PROKR2: variants seen among roughly 807,000 people sequenced by gnomAD.
PROKR2 encodes prokineticin receptor 2, also known as G protein-coupled receptor 73-like 1.
Under a neutral mutation model 23.4 loss-of-function variants are expected in PROKR2, and 26 were observed. The observed-to-expected ratio is 1.11, with a 90% confidence interval of 0.81 to 1.54. The LOEUF is 1.54. Among genes scored for constraint, PROKR2 ranks in the 40% most tolerant of loss-of-function variants. PROKR2 has a pLI of 0.00. For missense variants in PROKR2, 453 were observed against 511.5 expected (o/e 0.89, Z 1.10); for synonymous variants, 212 against 201.2 (o/e 1.05, Z -0.45).
At position 5,314,376 on chromosome 20, in the gene PROKR2, G is replaced by A; in HGVS notation, c.-7C>T. 2.5e-6 allele frequency: 4 copies of A among 1,613,410 alleles called. No individual in the cohort carries two copies. The highest frequency in any genetic ancestry group is 1.3e-5 in the African/African-American group (1 of 75,016). On this transcript the variant is annotated splice_region_variant and 5_prime_UTR_variant, in exon 2 of 3. Transcript: ENST00000678254. ...TTCCATTCTGGGCTGCCATGGTGAT[G>A]TCTGCAAGAAAAGTGGTGTGAGGGA...
intron 2 of PROKR2, among the ~76,000 whole-genome samples, chr20:5,308,601 A>G (rs1651796945): frequency 6.6e-6 from 1 of 152,206 alleles, no homozygotes; most frequent in Non-Finnish European, 1.5e-5. Context: ...TCAGCTCTGA[A>G]GGCTGTGAAA....
rs1978953602 is a variant in PROKR2 at position 5,300,720 on chromosome 20, C to T, written c.*1320G>A. Among the ~76,000 whole-genome samples the T allele has an allele frequency of 6.6e-6, 1 of 152,184 alleles. No homozygotes were observed. The highest frequency in any genetic ancestry group is 6.5e-5 in the Admixed American group (1 of 15,274). ...GGACCTGAACCCAGGTCTTTGGATTCTAGGTAGAGTTCCTTTTGTAAAAGA... is the reference window on the plus strand; with the variant it reads ...GGACCTGAACCCAGGTCTTTGGATTTTAGGTAGAGTTCCTTTTGTAAAAGA... On this transcript the variant is annotated 3_prime_UTR_variant, in exon 3 of 3. Transcript: ENST00000678254.
At chr20:5,308,612 C>A (rs1979319019) in intron 2 of PROKR2, among the ~76,000 whole-genome samples, 1 of 152,136 alleles carries the variant, frequency 6.6e-6, no homozygotes, top group South Asian at 2.1e-4. Flanking sequence ...GGCTGTGAAA[C>A]CCCTGATTTC....
At position 5,302,269 on chromosome 20, in the gene PROKR2, T is replaced by G. The variant is rs1240563443; in HGVS notation, c.926A>C (p.Lys309Thr). The G allele has an allele frequency of 6.2e-7, 1 of 1,614,210 alleles. No homozygotes were observed. The highest frequency in any genetic ancestry group is 2.2e-5 in the East Asian group (1 of 44,884). The part of the protein sequence containing the change: ...DFFPTVFVKE[K>T]HYLTAFYVVE... ...CACGTAGAAGGCAGTGAGGTAGTGC[T>G]TTTCCTTCACGAACACAGTGGGGAA... Residue 309 changes from lysine to threonine, a missense_variant, in exon 3 of 3, where the codon AAG (lysine) becomes ACG (threonine). Transcript: ENST00000678254.
In PROKR2 at chr20:5,302,656, A is replaced by T; in HGVS notation, c.539T>A (p.Val180Glu). The T allele has an allele frequency of 6.2e-7, 1 of 1,614,184 alleles. No individual in the cohort carries two copies. Among genetic ancestry groups the T allele is most frequent in the Admixed American group, 1.7e-5 (1 of 60,032 alleles). ...ASFLIALVWM[V>E]SILIAIPSAY... ...CGATGGGATGGCAATGAGAATGGAC[A>T]CCATCCAGACCAAGGCGATCAGGAA... The change falls in exon 3 of 3, where the codon GTG (valine) becomes GAG (glutamate). Residue 180 changes from valine (V) to glutamate (E), a missense_variant. By Grantham distance (121) the Val-to-Glu change is moderately radical. Coordinates refer to ENST00000678254, the MANE Select transcript of PROKR2 (RefSeq NM_144773.4).
chr20:5,308,836 C>A (rs142702597), intron 2 of PROKR2, among the ~76,000 whole-genome samples: 172 of 152,328 alleles, frequency 1.1e-3, no homozygotes, highest in African/African-American at 3.8e-3. Flanking sequence ...CTGTCCCTGT[C>A]AATATTTCTG....
Position 5,299,715 on chromosome 20 carries a change from C to G in PROKR2, c.*2325G>C, listed in dbSNP as rs149854533. ...TCTCAATTCACTGCAACCTCTGCCT[C>G]TGGGGTTCAAGCAATTCTCATGCCT... On this transcript the variant is annotated 3_prime_UTR_variant, in exon 3 of 3. Transcript: ENST00000678254. Among the ~76,000 whole-genome samples the G allele has an allele frequency of 1.1e-4, 16 of 152,326 alleles. No individual in the cohort carries two copies. The highest frequency in any genetic ancestry group is 2.4e-4 in the African/African-American group (10 of 41,574).
In PROKR2 at chr20:5,302,199, G is replaced by T; in HGVS notation, c.996C>A (p.Cys332Ter). Residue 332 changes from cysteine (C) to a stop codon, truncating the protein, a stop_gained, in exon 3 of 3, where the codon TGC (cysteine) becomes TGA (stop). Coordinates refer to ENST00000678254, the MANE Select transcript of PROKR2 (RefSeq NM_144773.4). LOFTEE classifies it high-confidence loss of function. ...AMSNSMINTV[C>*]FVTVKNNTMK... ...TGGTGTTGTTCTTGACCGTCACGAAGCACACGGTGTTGATCATGCTGTTGC... is the reference window on the plus strand; with the variant it reads ...TGGTGTTGTTCTTGACCGTCACGAATCACACGGTGTTGATCATGCTGTTGC... The T allele has an allele frequency of 6.2e-7, 1 of 1,614,230 alleles. No individual in the cohort carries two copies. Among genetic ancestry groups the T allele is most frequent in the Non-Finnish European group, 8.5e-7 (1 of 1,180,040 alleles).
rs573392596 is a variant in PROKR2, at chr20:5,313,949, C to T, written c.421G>A (p.Val141Ile). 8 of 1,614,046 alleles carry T rather than the reference C, an allele frequency of 5.0e-6. No homozygotes were observed. Among genetic ancestry groups the T allele is most frequent in the African/African-American group, 1.3e-5 (1 of 74,898 alleles). ...VNYLRTVSLY[V>I]STNALLAIAI... is the part of the protein sequence containing the mutation. ...ATGGCCAGCAAGGCATTGGTGGAGACGTAGAGGGAGACGGTGCGCAGGTAG... is the reference window on the plus strand; with the variant it reads ...ATGGCCAGCAAGGCATTGGTGGAGATGTAGAGGGAGACGGTGCGCAGGTAG... Residue 141 changes from valine (V) to isoleucine (I), a missense_variant, in exon 2 of 3, where the codon GTC (valine) becomes ATC (isoleucine). By Grantham distance (29) the Val-to-Ile change is conservative. Transcript: ENST00000678254.
chr20:5,315,490 T>C (rs1366543490), intron 1 of PROKR2, among the ~76,000 whole-genome samples: 1 of 147,812 alleles, frequency 6.8e-6, no homozygotes, highest in Non-Finnish European at 1.5e-5. Context: ...AAAGGGGCCC[T>C]GGCTGTCCAG....
chr20:5,311,039 C>A (rs1300026948), intron 2 of PROKR2, among the ~76,000 whole-genome samples: 1 of 152,166 alleles, frequency 6.6e-6, no homozygotes, highest in Non-Finnish European at 1.5e-5. Flanking sequence ...TCCGTAAGCA[C>A]TTGAATTTCT....
chr20:5,315,349 T>C (rs1600590016), intron 1 of PROKR2, among the ~76,000 whole-genome samples: 1 of 152,174 alleles, frequency 6.6e-6, no homozygotes, highest in African/African-American at 2.4e-5. Context: ...AAAGGCACCA[T>C]GTCCTGTCAC....
chr20:5,304,803 G>A (rs150225301), intron 2 of PROKR2, among the ~76,000 whole-genome samples: 4,479 of 152,278 alleles, frequency 0.029, 214 homozygotes, highest in African/African-American at 0.099. Context: ...ATAGAGTGTT[G>A]CAGTTATTAG....
Position 5,300,904 on chromosome 20 carries a change from G to T in PROKR2, c.*1136C>A, listed in dbSNP as rs1186314487. ...GAGGAGGCAAAAATTGACACCTCAG[G>T]ATTACCCATCTCCACCCAAATAAAA... On this transcript the variant is annotated 3_prime_UTR_variant, in exon 3 of 3. Transcript: ENST00000678254. Among the ~76,000 whole-genome samples the T allele has an allele frequency of 6.6e-6, 1 of 152,152 alleles. No individual in the cohort carries two copies. The highest frequency in any genetic ancestry group is 2.4e-5 in the African/African-American group (1 of 41,424).
At chr20:5,310,925 A>G (rs1979420728) in intron 2 of PROKR2, among the ~76,000 whole-genome samples, 1 of 152,234 alleles carries the variant, frequency 6.6e-6, no homozygotes, top group African/African-American at 2.4e-5. Flanking sequence ...GGAAAATACT[A>G]TCAGTATCTC....
At chr20:5,305,928 C>G (rs1428622324) in intron 2 of PROKR2, among the ~76,000 whole-genome samples, 1 of 152,162 alleles carries the variant, frequency 6.6e-6, no homozygotes, top group Admixed American at 6.5e-5. Context: ...TTTATTACAA[C>G]AAGTTCTAAT....
rs965889897 is a variant in PROKR2 at position 5,316,827 on chromosome 20, C to A, written c.-342G>T. ...GCCAAGGGTGGATGCCCAGCTCCCC[C>A]ACCCCACCGCGTGCTCTCGGGCTGG... On this transcript the variant is annotated 5_prime_UTR_variant, in exon 1 of 3. Coordinates refer to ENST00000678254, the MANE Select transcript of PROKR2 (RefSeq NM_144773.4). This position sits in a 1 kb window ranked among gnomAD's most constrained non-coding sequence, Gnocchi z 5.0. Among the ~76,000 whole-genome samples, 4 of 152,246 alleles carry A rather than the reference C, an allele frequency of 2.6e-5. No homozygotes were observed. Among genetic ancestry groups the A allele is most frequent in the Non-Finnish European group, 5.9e-5 (4 of 68,044 alleles).
chr20:5,307,073 G>C (rs1307120666), intron 2 of PROKR2, among the ~76,000 whole-genome samples: 1 of 152,152 alleles, frequency 6.6e-6, no homozygotes, highest in Non-Finnish European at 1.5e-5. Context: ...CAGATGCTGA[G>C]GAAGAGATTC....
intron 2 of PROKR2, among the ~76,000 whole-genome samples, chr20:5,313,036 T>C (rs1979499027): frequency 6.6e-6 from 1 of 152,186 alleles, no homozygotes; most frequent in Non-Finnish European, 1.5e-5. Flanking sequence ...AAAGAAATGA[T>C]AAACATTTGA....
Sources: gnomAD v4.1 joint callset for allele counts (sites outside exome capture counted in the v4.1 genomes callset) on GRCh38, gnomAD v4.1.1 for gene constraint, Gnocchi (gnomAD v3.1) non-coding constraint, MANE v1.5 for transcripts, NCBI Gene and HGNC (gene_info 2026-07-23, HGNC 2026-07-21) for gene names.